The following ADGRL3 variants were observed in gnomAD, a reference collection of about 807,000 sequenced individuals.
The protein encoded by ADGRL3 is calcium-independent alpha-latrotoxin receptor 3.
A neutral mutation model predicts 153.5 loss-of-function variants in ADGRL3; 62 were observed. The observed-to-expected ratio is 0.40, with a 90% CI of 0.33 to 0.50. ADGRL3 has a LOEUF of 0.50. Ranked by LOEUF, ADGRL3 falls within the 20% of genes least tolerant of loss-of-function variation. The pLI is 0.47. For missense variants in ADGRL3, 1,641 were observed against 1,859.4 expected, an observed-to-expected ratio of 0.88 and a Z score of 2.16; for synonymous variants, 710 against 672.5, an observed-to-expected ratio of 1.06 and a Z score of -0.86.
At chr4:61,649,790 C>T (rs1429868344) in intron 5 of ADGRL3, among the ~76,000 whole-genome samples, 1 of 152,102 alleles carries the variant, frequency 6.6e-6, no homozygotes, top group Non-Finnish European at 1.5e-5. Flanking sequence ...AGACATGGTA[C>T]ATTTTCTGTA....
intron 9 of ADGRL3, among the ~76,000 whole-genome samples, chr4:61,887,420 A>G (rs2149540272): frequency 6.6e-6 from 1 of 152,308 alleles, no homozygotes; most frequent in East Asian, 1.9e-4. Context: ...CTGTTTAGTT[A>G]CTACTTGTAT....
intron 1 of ADGRL3, among the ~76,000 whole-genome samples, chr4:61,241,444 C>T (rs1285232322): frequency 1.3e-5 from 2 of 151,962 alleles, no homozygotes; most frequent in African/African-American, 4.8e-5. Flanking sequence ...ACTGAAACTA[C>T]TTTTATCAAT....
chr4:61,247,558 A>G (rs1030682756), intron 1 of ADGRL3, among the ~76,000 whole-genome samples: 1 of 152,026 alleles, frequency 6.6e-6, no homozygotes, highest in Non-Finnish European at 1.5e-5. Flanking sequence ...AAAGTTGCCC[A>G]TCTCTCCTCA....
intron 5 of ADGRL3, among the ~76,000 whole-genome samples, chr4:61,588,723 C>T (rs1340181745): frequency 1.3e-5 from 2 of 151,926 alleles, no homozygotes; most frequent in Non-Finnish European, 2.9e-5. Context: ...GACATACCTC[C>T]AACTATACTA....
At chr4:61,539,866 G>A (rs1162984458) in intron 4 of ADGRL3, among the ~76,000 whole-genome samples, 1 of 152,116 alleles carries the variant, frequency 6.6e-6, no homozygotes, top group Non-Finnish European at 1.5e-5. Context: ...CTCTGCCAGA[G>A]CCTTTCTGCT....
chr4:62,007,370 A>ATATATATATATATATATG (rs2099163226), intron 21 of ADGRL3, among the ~76,000 whole-genome samples: 1 of 7,400 alleles, frequency 1.4e-4, no homozygotes, highest in Non-Finnish European at 1.0e-3. Flanking sequence ...ATATATATAT[A>ATATATATATATATATATG]TATATATATA....
chr4:61,958,377 GTTTCTTTCTTTCT>G (rs1300417293), intron 17 of ADGRL3, among the ~76,000 whole-genome samples: 5 of 148,168 alleles, frequency 3.4e-5, no homozygotes, highest in African/African-American at 1.2e-4. Context: ...TGTTGTAAAG[GTTTCTTTCTTTCT>G]TTCTTTCTTT....
chr4:61,742,450 T>G (rs1037297657), intron 8 of ADGRL3, among the ~76,000 whole-genome samples: 2 of 151,954 alleles, frequency 1.3e-5, no homozygotes, highest in Non-Finnish European at 2.9e-5. Context: ...GGCTAATTTT[T>G]TTTGTATTTT....
At chr4:61,285,263 C>A (rs975827319) in intron 1 of ADGRL3, among the ~76,000 whole-genome samples, 1 of 151,806 alleles carries the variant, frequency 6.6e-6, no homozygotes, top group African/African-American at 2.4e-5. Context: ...ATTTAGCTTA[C>A]TGCATAAAAT....
At chr4:62,040,940 G>A (rs1416852616) in intron 24 of ADGRL3, among the ~76,000 whole-genome samples, 1 of 152,004 alleles carries the variant, frequency 6.6e-6, no homozygotes, top group African/African-American at 2.4e-5. Flanking sequence ...GTGAGAAAAT[G>A]GCTAATGCAA....
At chr4:61,261,993 G>A (rs778618282) in intron 1 of ADGRL3, among the ~76,000 whole-genome samples, 2 of 99,806 alleles carry the variant, frequency 2.0e-5, no homozygotes, top group Non-Finnish European at 4.2e-5. Context: ...TGGGAACGAC[G>A]AGATTGAAAT....
At chr4:61,360,438 T>A (rs2096265459) in intron 1 of ADGRL3, among the ~76,000 whole-genome samples, 1 of 152,134 alleles carries the variant, frequency 6.6e-6, no homozygotes, top group Non-Finnish European at 1.5e-5. Context: ...ACCAAATAGT[T>A]TCTATAGCTA....
chr4:61,808,070 C>T (rs1393426452), intron 8 of ADGRL3, among the ~76,000 whole-genome samples: 1 of 152,136 alleles, frequency 6.6e-6, no homozygotes, highest in Non-Finnish European at 1.5e-5. Context: ...GCTCTTCCCT[C>T]AGATCTCAGC....
chr4:61,228,996 A>G (rs1749267091), intron 1 of ADGRL3, among the ~76,000 whole-genome samples: 1 of 152,046 alleles, frequency 6.6e-6, no homozygotes, highest in African/African-American at 2.4e-5. Flanking sequence ...CTGGCCTCTT[A>G]TTTATCTTTG....
intron 5 of ADGRL3, among the ~76,000 whole-genome samples, chr4:61,635,620 T>A (rs1036471895): frequency 1.3e-5 from 2 of 152,090 alleles, no homozygotes; most frequent in African/African-American, 4.8e-5. Context: ...AAGCCCATGG[T>A]GAACTGAATT....
chr4:61,714,389 C>T (rs902714573), intron 6 of ADGRL3, among the ~76,000 whole-genome samples: 9 of 152,172 alleles, frequency 5.9e-5, no homozygotes, highest in African/African-American at 2.2e-4. Flanking sequence ...CACACACACA[C>T]ACACATATTT....
chr4:61,761,322 A>G (rs747168305), intron 8 of ADGRL3, among the ~76,000 whole-genome samples: 1 of 152,218 alleles, frequency 6.6e-6, no homozygotes, highest in Non-Finnish European at 1.5e-5. Flanking sequence ...ATTATAAACT[A>G]AGTTCCTCCC....
At chr4:61,397,268 A>G (rs2152077092) in intron 2 of ADGRL3, among the ~76,000 whole-genome samples, 1 of 151,982 alleles carries the variant, frequency 6.6e-6, no homozygotes, top group Non-Finnish European at 1.5e-5. Flanking sequence ...AACTTTTTAA[A>G]TTGCAAATGA....
intron 25 of ADGRL3, among the ~76,000 whole-genome samples, chr4:62,066,027 A>C (rs760682581): frequency 4.6e-5 from 7 of 152,086 alleles, no homozygotes; most frequent in Non-Finnish European, 8.8e-5. Context: ...AACCAAAGTA[A>C]ATAACTTTAT....
Sources: allele counts gnomAD v4.1 joint callset (sites outside exome capture counted in the v4.1 genomes callset), GRCh38; gene constraint gnomAD v4.1.1; transcripts MANE v1.5; gene names NCBI Gene and HGNC (gene_info 2026-07-23, HGNC 2026-07-21).